Variants in PODXL observed in about 807,000 individuals in gnomAD.
PODXL encodes the protein podocalyxin.
Under a neutral mutation model 48.9 loss-of-function variants are expected in PODXL, and 20 were observed. The observed-to-expected ratio is 0.41, with a 90% CI of 0.29 to 0.59. The LOEUF is 0.59. Among genes scored for constraint, PODXL ranks in the 20% least tolerant of loss-of-function variants. The probability of loss-of-function intolerance (pLI) is 0.31; values close to 1 mark genes in which losing one functional copy is unlikely to be tolerated. For synonymous variants in PODXL, 295 were observed against 287.4 expected (o/e 1.03, Z -0.27); for missense variants, 606 against 675.1 (o/e 0.90, Z 1.13).
intron 1 of PODXL, among the ~76,000 whole-genome samples, chr7:131,518,896 C>G (rs1405051400): frequency 2.0e-5 from 3 of 152,134 alleles, no homozygotes; most frequent in African/African-American, 7.2e-5. Flanking sequence ...GGTCATCTTG[C>G]CCATCTGATT....
In PODXL at chr7:131,556,565, G is replaced by T; in HGVS notation, c.-206C>A. 1.9e-6 allele frequency: 1 copy of T among 513,072 alleles called. No homozygotes were observed. Among genetic ancestry groups the T allele is most frequent in the Non-Finnish European group, 2.9e-6 (1 of 342,056 alleles). 31.8% of individuals were successfully genotyped at this position (513,072 alleles called of 1,614,324 possible). A position where few individuals can be genotyped will look rare whatever the true frequency, so the allele number is the denominator to read the frequency against. On this transcript the variant is annotated 5_prime_UTR_variant, in exon 1 of 9. Transcript: ENST00000378555. ...AGCCGGGCTGGGGCGCAGAGCCAGT[G>T]GCAGAGGAGCGGCGGCGGCGGCGGC...
intron 1 of PODXL, among the ~76,000 whole-genome samples, chr7:131,540,406 G>C (rs62468113): frequency 0.16 from 23,636 of 151,830 alleles, 2,339 homozygotes; most frequent in Admixed American, 0.27. Flanking sequence ...CCCCACCCCA[G>C]GTCAGAGAGC....
chr7:131,524,959 T>G (rs1798156313), intron 1 of PODXL, among the ~76,000 whole-genome samples: 1 of 152,166 alleles, frequency 6.6e-6, no homozygotes, highest in Non-Finnish European at 1.5e-5. Flanking sequence ...CTTAAATACA[T>G]TTTGCTAAGT....
At chr7:131,516,051 T>C (rs1797989757) in intron 1 of PODXL, among the ~76,000 whole-genome samples, 1 of 152,256 alleles carries the variant, frequency 6.6e-6, no homozygotes, top group South Asian at 2.1e-4. Context: ...AGGAGGATGA[T>C]GATAATTTTA....
chr7:131,504,410 C>T lies in PODXL; in HGVS notation c.1578G>A (p.Lys526=). Residue 526 remains lysine (K), a synonymous_variant, in exon 9 of 9, where the codon AAG becomes AAA. Transcript: ENST00000378555. ...METSSEMQEK[K]VVSLNGELGD... Reference sequence around the variant, plus strand: ...CCAGCTCCCCGTTGAGGCTGACCACCTTCTTCTCCTGCATCTCAGAAGAGG... The same window carrying T: ...CCAGCTCCCCGTTGAGGCTGACCACTTTCTTCTCCTGCATCTCAGAAGAGG... The T allele has an allele frequency of 6.2e-7, 1 of 1,614,068 alleles. No homozygotes were observed. Among genetic ancestry groups the T allele is most frequent in the Non-Finnish European group, 8.5e-7 (1 of 1,179,974 alleles).
In PODXL at chr7:131,506,704, TTCTCATCC is replaced by T. The variant is rs2116779664; in HGVS notation, c.1116_1123del (p.Asp373IlefsTer19). On this transcript the variant is annotated frameshift_variant, in exon 6 of 9. Transcript: ENST00000378555. LOFTEE classifies it high-confidence loss of function. ...TGCTCGGCATATCAGTGAGATCAAT[TTCTCATCC>T]GAAGCGCCCCCTGCCTATGGTGGGG... 1 of 1,614,176 alleles carries T rather than the reference TTCTCATCC, an allele frequency of 6.2e-7. No homozygotes were observed.
intron 8 of PODXL, among the ~76,000 whole-genome samples, chr7:131,504,982 G>A (rs978242160): frequency 1.1e-4 from 17 of 152,218 alleles, no homozygotes; most frequent in African/African-American, 4.1e-4. Flanking sequence ...GGCGCTTTCT[G>A]TCCCTCTCAA....
chr7:131,538,825 G>C (rs1798426310), intron 1 of PODXL, among the ~76,000 whole-genome samples: 1 of 152,162 alleles, frequency 6.6e-6, no homozygotes, highest in Admixed American at 6.5e-5. Context: ...GTGGTGTCAG[G>C]CTTTGTCTAG....
At position 131,502,270 on chromosome 7, in the gene PODXL, A is replaced by C. The variant is rs1797718464; in HGVS notation, c.*2041T>G. On this transcript the variant is annotated 3_prime_UTR_variant, in exon 9 of 9. Coordinates refer to ENST00000378555, the MANE Select transcript of PODXL (RefSeq NM_001018111.3). ...GCAAACACCTCACTCAAGCCTAACA[A>C]GATTTCCTGTTTTCCCCCAAACAGG... is the stretch of plus-strand genomic sequence containing the variant. The C allele has an allele frequency of 6.6e-6, 1 of 152,220 alleles. No individual in the cohort carries two copies. 9.4% of individuals were successfully genotyped at this position (152,220 alleles called of 1,614,324 possible). A position where few individuals can be genotyped will look rare whatever the true frequency, so the allele number is the denominator to read the frequency against.
intron 8 of PODXL, among the ~76,000 whole-genome samples, chr7:131,504,894 C>G (rs1003782768): frequency 1.3e-5 from 2 of 152,208 alleles, no homozygotes; most frequent in Admixed American, 6.5e-5. Flanking sequence ...GGCTGGGTGA[C>G]TGAGCCCTCA....
chr7:131,507,640 G>A (rs1797830798), intron 5 of PODXL, among the ~76,000 whole-genome samples: 1 of 151,534 alleles, frequency 6.6e-6, no homozygotes, highest in Admixed American at 6.6e-5. Context: ...AGGGATCCAG[G>A]GTTTTCCATC....
At position 131,502,062 on chromosome 7, in the gene PODXL, G is replaced by C. The variant is rs1265492301; in HGVS notation, c.*2249C>G. 1 of 152,216 alleles carries C rather than the reference G, an allele frequency of 6.6e-6. No individual in the cohort carries two copies. The highest frequency in any genetic ancestry group is 1.5e-5 in the Non-Finnish European group (1 of 68,066). The allele number at this position is 152,216 out of a possible 1,614,324, so 9.4% of individuals were successfully genotyped here. On this transcript the variant is annotated 3_prime_UTR_variant, in exon 9 of 9. Transcript: ENST00000378555. ...TGCCAGTCATCATCTGTCTCCAAGA[G>C]GCCATAGGGTTGCAGCCTTTGATTG... is the stretch of plus-strand genomic sequence containing the variant.
intron 5 of PODXL, among the ~76,000 whole-genome samples, chr7:131,507,906 G>A (rs1584808217): frequency 6.6e-6 from 1 of 152,166 alleles, no homozygotes; most frequent in East Asian, 1.9e-4. Context: ...ACACCCAAAA[G>A]AAAACAACTG....
At position 131,501,554 on chromosome 7, in the gene PODXL, G is replaced by A. The variant is rs1409891588; in HGVS notation, c.*2757C>T. On this transcript the variant is annotated 3_prime_UTR_variant, in exon 9 of 9. Coordinates refer to ENST00000378555, the MANE Select transcript of PODXL (RefSeq NM_001018111.3). ...AGAATATTCTGTACCTCCTTCATAA[G>A]CTTTGCTGCCTGTCTCCCCACTCTC... 1 of 152,182 alleles carries A rather than the reference G, an allele frequency of 6.6e-6. No individual in the cohort carries two copies. The highest frequency in any genetic ancestry group is 1.5e-5 in the Non-Finnish European group (1 of 68,046). The allele number at this position is 152,182 out of a possible 1,614,324, so 9.4% of individuals were successfully genotyped here.
intron 1 of PODXL, among the ~76,000 whole-genome samples, chr7:131,525,674 A>C (rs1777408098): frequency 6.6e-6 from 1 of 152,038 alleles, no homozygotes; most frequent in African/African-American, 2.4e-5. Flanking sequence ...ACTCTGGGAA[A>C]GTTTTTTTTT....
chr7:131,530,182 T>C, intron 1 of PODXL, among the ~76,000 whole-genome samples: 1 of 77,278 alleles, frequency 1.3e-5, no homozygotes, highest in Non-Finnish European at 2.4e-5. Flanking sequence ...AGGGCACACC[T>C]TCTCAGGCTA....
At chr7:131,508,029 C>A (rs564088538) in intron 5 of PODXL, among the ~76,000 whole-genome samples, 1 of 152,334 alleles carries the variant, frequency 6.6e-6, no homozygotes, top group African/African-American at 2.4e-5. Context: ...CTGCAAAAAA[C>A]CGGCACTGAC....
At chr7:131,511,526 C>T (rs1441806304) in intron 1 of PODXL, 93 bp from the exon 2 acceptor site, 6 of 1,333,380 alleles carry the variant, frequency 4.5e-6, no homozygotes, top group African/African-American at 2.9e-5. Flanking sequence ...AGGCCTTGCT[C>T]GCAGCCCTGC....
At chr7:131,528,297 T>G (rs763939348) in intron 1 of PODXL, among the ~76,000 whole-genome samples, 1 of 152,204 alleles carries the variant, frequency 6.6e-6, no homozygotes. Flanking sequence ...GCTTTAATTT[T>G]CTCAATGAAG....
Sources: gnomAD v4.1 joint callset for allele counts (sites outside exome capture counted in the v4.1 genomes callset) on GRCh38, gnomAD v4.1.1 for gene constraint, MANE v1.5 for transcripts, NCBI Gene and HGNC (gene_info 2026-07-23, HGNC 2026-07-21) for gene names.